Variants in MYH4 observed in about 807,000 individuals in gnomAD.
MYH4 encodes the protein myosin heavy chain 4.
Under a neutral mutation model 229.9 loss-of-function variants are expected in MYH4, and 200 were observed. That is an observed-to-expected ratio of 0.87 (90% confidence interval 0.78 to 0.98). The LOEUF (loss-of-function observed/expected upper bound fraction) is 0.98, where lower values mean the gene tolerates loss of function less well. MYH4 is among the 50% of genes least tolerant of loss of function. The pLI, the probability that MYH4 is intolerant of heterozygous loss-of-function variation, is 0.00. For synonymous variants in MYH4, 761 were observed against 834.6 expected (o/e 0.91, Z 1.52); for missense variants, 2,148 against 2,332.6 (o/e 0.92, Z 1.63).
intron 20 of MYH4, 26 bp downstream of exon 20, chr17:10,455,146 C>T (rs1258845951): frequency 6.2e-7 from 1 of 1,613,896 alleles, no homozygotes. Flanking sequence ...AGAATTATGA[C>T]AGATAGAAAT....
In MYH4 at chr17:10,461,002, T is replaced by C; in HGVS notation, c.1061A>G (p.Lys354Arg). Residue 354 changes from lysine (K) to arginine (R), a missense_variant, in exon 12 of 40, where the codon AAG (lysine) becomes AGG (arginine). By Grantham distance (26) the Lys-to-Arg change is conservative (BLOSUM62 2). Transcript: ENST00000255381. ...FTADEKVAIY[K>R]LTGAVMHYGN... is the part of the protein sequence containing the mutation. Reference sequence around the variant, plus strand: ...ATAATGCATCACGGCTCCAGTGAGCTTGTAAATGGCCACCTTTTCATCAGC... The same window carrying C: ...ATAATGCATCACGGCTCCAGTGAGCCTGTAAATGGCCACCTTTTCATCAGC... 1 of 1,614,104 alleles carries C rather than the reference T, an allele frequency of 6.2e-7. No individual in the cohort carries two copies. The highest frequency in any genetic ancestry group is 1.3e-5 in the African/African-American group (1 of 75,026).
Position 10,452,337 on chromosome 17 carries a change from G to C in MYH4, c.3349-7C>G. On this transcript the variant is annotated splice_region_variant and splice_polypyrimidine_tract_variant and intron_variant, in intron 26 of 39. Coordinates refer to ENST00000255381, the MANE Select transcript of MYH4 (RefSeq NM_017533.2). Reference sequence around the variant, plus strand: ...CCAGCTCCTCAATGCGGGCCTGGTTGTGATATGTCAACATTAATGTGAATT... The same window carrying C: ...CCAGCTCCTCAATGCGGGCCTGGTTCTGATATGTCAACATTAATGTGAATT... 6.2e-7 allele frequency: 1 copy of C among 1,614,136 alleles called. No homozygotes were observed. Among genetic ancestry groups the C allele is most frequent in the Non-Finnish European group, 8.5e-7 (1 of 1,180,018 alleles).
chr17:10,450,236 T>C (rs971492416), intron 30 of MYH4, among the ~76,000 whole-genome samples: 4 of 152,176 alleles, frequency 2.6e-5, no homozygotes, highest in Non-Finnish European at 4.4e-5. Context: ...AAGATGCTTC[T>C]GGACAAGAAT....
Position 10,466,652 on chromosome 17 carries a change from A to C in MYH4, c.94T>G (p.Phe32Val), listed in dbSNP as rs1228641448. The C allele has an allele frequency of 2.5e-6, 4 of 1,614,158 alleles. No individual in the cohort carries two copies. In the South Asian group the frequency reaches 4.4e-5, roughly 18 times the overall value. ...KERIEAQNKPFDAKTSVFVVD... is the reference protein window; with the variant it reads ...KERIEAQNKPVDAKTSVFVVD... ...ACAAAGACTGATGTCTTGGCATCAA[A>C]AGGCTTGTTCTGAGCTTCAATTCGC... The change falls in exon 3 of 40, where the codon TTT (phenylalanine) becomes GTT (valine). Residue 32 changes from phenylalanine (F) to valine (V), a missense_variant. Transcript: ENST00000255381.
chr17:10,462,791 T>C, intron 11 of MYH4, 74 bp downstream of exon 11: 1 of 1,249,850 alleles, frequency 8.0e-7, no homozygotes, highest in East Asian at 2.3e-5. Context: ...GCCACTGCTT[T>C]CCACCCTAAT....
rs759057518 is a variant in MYH4, at chr17:10,451,954, A to G, written c.3725T>C (p.Val1242Ala). 5 of 1,604,774 alleles carry G rather than the reference A, an allele frequency of 3.1e-6. No individual in the cohort carries two copies. The South Asian group carries it at 3.3e-5, about 11-fold the overall frequency. The change falls in exon 27 of 40, where the codon GTC (valine) becomes GCC (alanine). Residue 1242 changes from valine to alanine, a missense_variant. Val to Ala is a moderately conservative substitution (Grantham distance 64, BLOSUM62 0). Coordinates refer to ENST00000255381, the MANE Select transcript of MYH4 (RefSeq NM_017533.2). ...INDLASNMET[V>A]SKAKANFEKM... ...GTTAATGAAGACCTTGGCTTTGGAG[A>G]CAGTCTCCATGTTACTAGCAAGGTC...
At position 10,448,779 on chromosome 17, in the gene MYH4, A is replaced by G. The variant is rs765120617; in HGVS notation, c.4370T>C (p.Leu1457Pro). The G allele has an allele frequency of 6.2e-6, 10 of 1,613,628 alleles. No homozygotes were observed. The highest frequency in any genetic ancestry group is 1.3e-5 in the African/African-American group (1 of 74,998). Reference sequence around the variant, plus strand: ...CTCATACTTCTGTTTCCATTCTGCCAGAACCTGGAAGTATATAGAAAATAA... The same window carrying G: ...CTCATACTTCTGTTTCCATTCTGCCGGAACCTGGAAGTATATAGAAAATAA... Reference protein sequence around the residue: ...DKKQRNFDKVLAEWKQKYEET... With the variant: ...DKKQRNFDKVPAEWKQKYEET... Residue 1457 changes from leucine to proline, a missense_variant, in exon 32 of 40, where the codon CTG becomes CCG. Physicochemically the swap from Leu to Pro is moderately conservative, Grantham distance 98. Transcript: ENST00000255381.
intron 5 of MYH4, among the ~76,000 whole-genome samples, chr17:10,465,119 T>A (rs1443877478): frequency 6.6e-6 from 1 of 152,204 alleles, no homozygotes; most frequent in Non-Finnish European, 1.5e-5. Flanking sequence ...TTATGTATTA[T>A]CTATAATCCA....
intron 4 of MYH4, 57 bp downstream of exon 4, chr17:10,466,216 T>C (rs1349246164): frequency 3.2e-6 from 5 of 1,582,442 alleles, no homozygotes; most frequent in Non-Finnish European, 4.3e-6. Flanking sequence ...TAATTTATTT[T>C]AGCTAACATG....
Position 10,448,033 on chromosome 17 carries a change from C to CA in MYH4, c.4749_4750insT (p.Asp1584Ter). On this transcript the variant is annotated frameshift_variant, in exon 34 of 40. Coordinates refer to ENST00000255381, the MANE Select transcript of MYH4 (RefSeq NM_017533.2). LOFTEE classifies it high-confidence loss of function. Reference sequence around the variant, plus strand: ...CTCTTTAGCTGATCGAGTTCTTCATCTTTTTCAGCAATTTTTCGGTCAATC... The same window carrying CA: ...CTCTTTAGCTGATCGAGTTCTTCATCATTTTTCAGCAATTTTTCGGTCAATC... The CA allele has an allele frequency of 6.2e-7, 1 of 1,614,016 alleles. No individual in the cohort carries two copies. Among genetic ancestry groups the CA allele is most frequent in the Non-Finnish European group, 8.5e-7 (1 of 1,179,998 alleles).
At chr17:10,457,780 G>C (rs138081467) in intron 15 of MYH4, 51 bp from the exon 16 acceptor site, 2 of 1,551,516 alleles carry the variant, frequency 1.3e-6, no homozygotes, top group African/African-American at 1.4e-5. Flanking sequence ...AGAAAGTTAT[G>C]CTCCATGTAA....
intron 30 of MYH4, 61 bp downstream of exon 30, chr17:10,450,392 A>AT: frequency 6.2e-7 from 1 of 1,611,742 alleles, no homozygotes; most frequent in East Asian, 2.2e-5. Context: ...TCTTTCTTCT[A>AT]TTTTTCCTTC....
Position 10,465,506 on chromosome 17 carries a change from CT to C in MYH4, c.440del (p.Lys147SerfsTer21), listed in dbSNP as rs1465968113. On this transcript the variant is annotated frameshift_variant, in exon 5 of 40. Transcript: ENST00000255381. LOFTEE classifies it high-confidence loss of function. Reference sequence around the variant, plus strand: ...AGATATGGGGTGGGGCCTCCTGGCGCTTTTTGCCTCGGTAGGCTGTCACCAC... The same window carrying C: ...AGATATGGGGTGGGGCCTCCTGGCGCTTTTGCCTCGGTAGGCTGTCACCAC... ...PEVVTAYRGKKRQEAPPHIFS... is the reference protein window; with the variant it reads ...PEVVTAYRGKXRQEAPPHIFS... The C allele has an allele frequency of 1.7e-5, 28 of 1,614,112 alleles. No individual in the cohort carries two copies. Among genetic ancestry groups the C allele is most frequent in the Non-Finnish European group, 2.4e-5 (28 of 1,180,030 alleles).
intron 15 of MYH4, among the ~76,000 whole-genome samples, chr17:10,458,462 A>T (rs1205135069): frequency 6.6e-6 from 1 of 152,182 alleles, no homozygotes; most frequent in African/African-American, 2.4e-5. Context: ...TTTTCCCCAA[A>T]TTGTGCAGAC....
rs189738574 is a variant in MYH4, at chr17:10,451,377, G to C, written c.3814C>G (p.Arg1272Gly). The C allele has an allele frequency of 6.8e-6, 11 of 1,613,954 alleles. No homozygotes were observed. Among genetic ancestry groups the C allele is most frequent in the Non-Finnish European group, 9.3e-6 (11 of 1,179,964 alleles). ...TGGGCTGACAACTCATTTATTAAGCGTTGTTGCTCTTCTTCCTTTGTTTTT... is the reference window on the plus strand; with the variant it reads ...TGGGCTGACAACTCATTTATTAAGCCTTGTTGCTCTTCTTCCTTTGTTTTT... ...EIKTKEEEQQ[R>G]LINELSAQKA... Residue 1272 changes from arginine (R) to glycine (G), a missense_variant, in exon 28 of 40, where the codon CGC becomes GGC. Physicochemically the swap from Arg to Gly is moderately radical, Grantham distance 125. Coordinates refer to ENST00000255381, the MANE Select transcript of MYH4 (RefSeq NM_017533.2).
At chr17:10,455,100 A>T in intron 20 of MYH4, 23 bp from the exon 21 acceptor site, 1 of 1,614,092 alleles carries the variant, frequency 6.2e-7, no homozygotes, top group South Asian at 1.1e-5. Flanking sequence ...CAAGTTAAAT[A>T]TGTTATTTCC....
intron 7 of MYH4, among the ~76,000 whole-genome samples, 158 bp downstream of exon 7, chr17:10,464,314 C>T (rs552331825): frequency 1.4e-4 from 22 of 152,298 alleles, no homozygotes; most frequent in African/African-American, 5.1e-4. Context: ...ATGGCCTCCT[C>T]ATGTTGCTGC....
At chr17:10,454,914 C>T (rs1219954750) in intron 21 of MYH4, 27 bp downstream of exon 21, 2 of 1,613,090 alleles carry the variant, frequency 1.2e-6, no homozygotes, top group Non-Finnish European at 1.7e-6. Context: ...AAGTGTGGAG[C>T]AGGAAGACTT....
chr17:10,464,755 A>T, intron 5 of MYH4, 47 bp from the exon 6 acceptor site: 2 of 1,575,844 alleles, frequency 1.3e-6, no homozygotes, highest in Non-Finnish European at 1.7e-6. Context: ...CACACTTAAC[A>T]CATAGGTCAA....
Sources: gnomAD v4.1 joint callset for allele counts (sites outside exome capture counted in the v4.1 genomes callset) on GRCh38, gnomAD v4.1.1 for gene constraint, MANE v1.5 for transcripts, NCBI Gene and HGNC (gene_info 2026-07-23, HGNC 2026-07-21) for gene names.